Variants in VPS13B observed in about 807,000 individuals in gnomAD.
VPS13B encodes vacuolar protein sorting 13 homolog B, also known as intermembrane lipid transfer protein VPS13B.
VPS13B carries 285 observed loss-of-function variants against 426.4 expected under a neutral mutation model. That is an observed-to-expected ratio of 0.67 (90% CI 0.61 to 0.74). The LOEUF (loss-of-function observed/expected upper bound fraction) is 0.74. VPS13B is among the 30% of genes least tolerant of loss of function. The probability of loss-of-function intolerance (pLI) is 0.00; values close to 1 mark genes in which losing one functional copy is unlikely to be tolerated. For synonymous variants in VPS13B, 1,676 were observed against 1,676.4 expected, an observed-to-expected ratio of 1.00 and a Z score of 0.01; for missense variants, 4,537 against 4,782.6, an observed-to-expected ratio of 0.95 and a Z score of 1.51.
Position 99,776,633 on chromosome 8 carries a change from A to C in VPS13B, c.7248-142A>C, listed in dbSNP as rs934826511. On this transcript the variant is annotated intron_variant, in intron 40 of 61. Transcript: ENST00000357162. ...ATTTTAAAAAATAGCTAATTTACAT[A>C]GGAAAATACAGAAGATTTGATAAAA... 7.3e-6 allele frequency: 6 copies of C among 825,138 alleles called. No homozygotes were observed. The South Asian group carries it at 9.8e-5, about 13-fold the overall frequency. 51.1% of individuals were successfully genotyped at this position (825,138 alleles called of 1,614,324 possible).
chr8:99,570,970 G>T (rs1825444748), intron 31 of VPS13B, among the ~76,000 whole-genome samples: 1 of 152,062 alleles, frequency 6.6e-6, no homozygotes, highest in Non-Finnish European at 1.5e-5. Flanking sequence ...AATTTTCCAG[G>T]GAGATATTTG....
intron 3 of VPS13B, among the ~76,000 whole-genome samples, chr8:99,077,293 C>T (rs1361698513): frequency 6.6e-6 from 1 of 152,126 alleles, no homozygotes; most frequent in African/African-American, 2.4e-5. Context: ...TTGCCTCAGC[C>T]TCCCGAGTAA....
chr8:99,471,636 C>T (rs1204545707), intron 24 of VPS13B, among the ~76,000 whole-genome samples: 1 of 152,008 alleles, frequency 6.6e-6, no homozygotes, highest in East Asian at 1.9e-4. Flanking sequence ...TAAAACAGTA[C>T]AAAAAATAAA....
intron 35 of VPS13B, among the ~76,000 whole-genome samples, chr8:99,683,930 G>A (rs532084703): frequency 6.6e-6 from 1 of 152,266 alleles, no homozygotes; most frequent in Admixed American, 6.5e-5. Flanking sequence ...TTCTTAGGGG[G>A]AAAGCATTCA....
intron 43 of VPS13B, among the ~76,000 whole-genome samples, chr8:99,793,821 C>T (rs1812679176): frequency 6.6e-6 from 1 of 152,192 alleles, no homozygotes; most frequent in South Asian, 2.1e-4. Flanking sequence ...GCCATAAATA[C>T]CTGAGTTTCA....
chr8:99,544,206 C>T (rs75355995), intron 30 of VPS13B, among the ~76,000 whole-genome samples: 23,546 of 151,974 alleles, frequency 0.15, 2,549 homozygotes, highest in East Asian at 0.39. Flanking sequence ...AGTAGACTAT[C>T]GCAAGAACAA....
intron 29 of VPS13B, among the ~76,000 whole-genome samples, chr8:99,513,371 A>C (rs540789946): frequency 9.2e-5 from 14 of 152,272 alleles, no homozygotes; most frequent in African/African-American, 2.6e-4. Flanking sequence ...TCATTGAAAC[A>C]TAAGAAAAAA....
At chr8:99,194,629 A>C (rs1225811466) in intron 17 of VPS13B, among the ~76,000 whole-genome samples, 1 of 152,180 alleles carries the variant, frequency 6.6e-6, no homozygotes, top group African/African-American at 2.4e-5. Context: ...ATAGTAATCT[A>C]TTGCGGATAT....
At chr8:99,394,052 T>A (rs931940908) in intron 21 of VPS13B, among the ~76,000 whole-genome samples, 63 of 152,122 alleles carry the variant, frequency 4.1e-4, no homozygotes, top group African/African-American at 1.5e-3. Flanking sequence ...TTTTGGTTGT[T>A]GGTTTTTGTT....
intron 17 of VPS13B, among the ~76,000 whole-genome samples, chr8:99,217,123 T>C (rs1396836003): frequency 6.6e-6 from 1 of 152,200 alleles, no homozygotes; most frequent in East Asian, 1.9e-4. Flanking sequence ...ATTATGTAAG[T>C]AAATGATCAA....
At position 99,618,165 on chromosome 8, in the gene VPS13B, A is replaced by C. The variant is rs116382383; in HGVS notation, c.5221-23646A>C. ...CTTTTCCTCTGTGTGATATTGTGACAATTTTCTAGCATGTTTCTTATATAA... is the reference window on the plus strand; with the variant it reads ...CTTTTCCTCTGTGTGATATTGTGACCATTTTCTAGCATGTTTCTTATATAA... On this transcript the variant is annotated intron_variant, in intron 33 of 61. Transcript: ENST00000357162. Among the ~76,000 whole-genome samples, 225 of 152,208 alleles carry C rather than the reference A, an allele frequency of 1.5e-3. 1 individual carries two copies. Among genetic ancestry groups the C allele is most frequent in the African/African-American group, 5.2e-3 (214 of 41,540 alleles).
At chr8:99,802,273 G>A (rs888773754) in intron 43 of VPS13B, among the ~76,000 whole-genome samples, 2 of 152,092 alleles carry the variant, frequency 1.3e-5, no homozygotes, top group Non-Finnish European at 2.9e-5. Context: ...CTCTGTGCTA[G>A]GAATTATGGA....
intron 17 of VPS13B, among the ~76,000 whole-genome samples, chr8:99,206,215 A>G (rs1308551966): frequency 2.0e-5 from 3 of 152,150 alleles, no homozygotes; most frequent in Non-Finnish European, 2.9e-5. Flanking sequence ...GTGTAGTTTC[A>G]TTAATCTGGT....
intron 25 of VPS13B, among the ~76,000 whole-genome samples, chr8:99,498,053 T>G (rs1349618599): frequency 2.0e-5 from 3 of 152,100 alleles, no homozygotes; most frequent in Admixed American, 6.6e-5. Flanking sequence ...CAATATTTTG[T>G]GTATGAAGCC....
chr8:99,318,182 A>G (rs541493992), intron 19 of VPS13B, among the ~76,000 whole-genome samples: 2 of 152,334 alleles, frequency 1.3e-5, no homozygotes, highest in South Asian at 4.1e-4. Flanking sequence ...TAAACAACCA[A>G]AAGACTATTT....
intron 2 of VPS13B, among the ~76,000 whole-genome samples, chr8:99,032,005 T>C (rs960590912): frequency 3.9e-5 from 6 of 152,240 alleles, no homozygotes; most frequent in African/African-American, 1.4e-4. Flanking sequence ...CTCCCTATAC[T>C]GGACTCAGGG....
chr8:99,209,290 A>C (rs528070800), intron 17 of VPS13B, among the ~76,000 whole-genome samples: 34 of 150,598 alleles, frequency 2.3e-4, no homozygotes, highest in South Asian at 1.5e-3. Flanking sequence ...TCAAAAAAAA[A>C]ACAAAACAAA....
chr8:99,638,631 G>T (rs1829164498), intron 33 of VPS13B, among the ~76,000 whole-genome samples: 1 of 152,126 alleles, frequency 6.6e-6, no homozygotes, highest in Non-Finnish European at 1.5e-5. Flanking sequence ...TTATGCTGCA[G>T]CAACCCTATG....
chr8:99,525,072 G>A (rs1822574605), intron 30 of VPS13B, among the ~76,000 whole-genome samples: 1 of 152,106 alleles, frequency 6.6e-6, no homozygotes, highest in Non-Finnish European at 1.5e-5. Context: ...AGACATTAAT[G>A]AGCAATGAGA....
Sources: allele counts gnomAD v4.1 joint callset (sites outside exome capture counted in the v4.1 genomes callset), GRCh38; gene constraint gnomAD v4.1.1; transcripts MANE v1.5; gene names NCBI Gene and HGNC (gene_info 2026-07-23, HGNC 2026-07-21).